TNKS2: variants seen among roughly 807,000 people sequenced by gnomAD.
TNKS2 encodes the protein poly [ADP-ribose] polymerase tankyrase-2.
In TNKS2, 72 loss-of-function variants were observed where a neutral mutation model predicts 137.6. The ratio of observed to expected loss-of-function variants is 0.52; its 90% CI spans 0.43 to 0.64. The LOEUF (loss-of-function observed/expected upper bound fraction) is 0.64, where lower values mean the gene tolerates loss of function less well. TNKS2 is among the 30% of genes least tolerant of loss of function. TNKS2 has a pLI of 0.00. For synonymous variants in TNKS2, 516 were observed against 512.1 expected, an observed-to-expected ratio of 1.01 and a Z score of -0.10; for missense variants, 1,049 against 1,410.2, an observed-to-expected ratio of 0.74 and a Z score of 4.10.
intron 6 of TNKS2, 148 bp from the exon 7 acceptor site, chr10:91,822,148 G>A (rs1844910223): frequency 3.4e-6 from 2 of 585,416 alleles, no homozygotes; most frequent in Non-Finnish European, 5.7e-6. Flanking sequence ...TCAAATGGAT[G>A]TTACTAAATT....
At chr10:91,860,055 A>G (rs926921163) in intron 25 of TNKS2, among the ~76,000 whole-genome samples, 1 of 152,194 alleles carries the variant, frequency 6.6e-6, no homozygotes, top group Non-Finnish European at 1.5e-5. Context: ...CCTCTCTTCC[A>G]CTGTGATACG....
intron 25 of TNKS2, among the ~76,000 whole-genome samples, 164 bp downstream of exon 25, chr10:91,859,812 T>G (rs1316295764): frequency 6.6e-6 from 1 of 152,232 alleles, no homozygotes; most frequent in Non-Finnish European, 1.5e-5. Flanking sequence ...TAATATTTAT[T>G]AAATGATCCG....
At chr10:91,809,091 A>G (rs1232617870) in intron 1 of TNKS2, among the ~76,000 whole-genome samples, 2 of 152,168 alleles carry the variant, frequency 1.3e-5, no homozygotes, top group African/African-American at 2.4e-5. Context: ...TATATAAAAT[A>G]CTGATAGGAG....
At chr10:91,833,772 A>T (rs1841897739) in intron 11 of TNKS2, 81 bp from the exon 12 acceptor site, 7 of 1,137,774 alleles carry the variant, frequency 6.2e-6, no homozygotes, top group Non-Finnish European at 8.2e-6. Context: ...ACTTAAAAGT[A>T]GTAAAAAGTG....
chr10:91,844,288 A>G (rs1469675436), intron 16 of TNKS2, among the ~76,000 whole-genome samples: 1 of 152,208 alleles, frequency 6.6e-6, no homozygotes, highest in South Asian at 2.1e-4. Flanking sequence ...ATTCTTCTTT[A>G]CTTGATCTTT....
intron 2 of TNKS2, among the ~76,000 whole-genome samples, chr10:91,816,599 C>CTGA (rs1844706940): frequency 6.6e-6 from 1 of 152,000 alleles, no homozygotes; most frequent in Non-Finnish European, 1.5e-5. Flanking sequence ...AAGATAATGA[C>CTGA]TGATGACCTT....
intron 18 of TNKS2, among the ~76,000 whole-genome samples, chr10:91,848,096 C>G (rs1045716515): frequency 6.6e-6 from 1 of 152,060 alleles, no homozygotes; most frequent in South Asian, 2.1e-4. Flanking sequence ...ATATTATACT[C>G]AAGCATTATA....
intron 13 of TNKS2, among the ~76,000 whole-genome samples, chr10:91,837,488 A>G (rs1735967156): frequency 6.6e-6 from 1 of 152,212 alleles, no homozygotes; most frequent in East Asian, 1.9e-4. Context: ...TTGCAACTTC[A>G]GGTCTTACCT....
At chr10:91,822,184 A>G (rs1405911358) in intron 6 of TNKS2, 112 bp from the exon 7 acceptor site, 10 of 812,068 alleles carry the variant, frequency 1.2e-5, no homozygotes, top group Middle Eastern at 2.7e-4. Flanking sequence ...AGAACATCAC[A>G]TAATCCATTT....
At chr10:91,861,343 T>C (rs1336501578) in intron 25 of TNKS2, among the ~76,000 whole-genome samples, 4 of 152,126 alleles carry the variant, frequency 2.6e-5, no homozygotes, top group Non-Finnish European at 2.9e-5. Context: ...TAAAATGAGA[T>C]TCAAGAAATT....
At chr10:91,843,403 A>T (rs746523594) in intron 16 of TNKS2, among the ~76,000 whole-genome samples, 6 of 152,184 alleles carry the variant, frequency 3.9e-5, no homozygotes, top group Non-Finnish European at 8.8e-5. Flanking sequence ...AAATTAGATT[A>T]GAGCCCACCC....
At chr10:91,852,215 G>A (rs759693751) in intron 21 of TNKS2, among the ~76,000 whole-genome samples, 44 of 151,182 alleles carry the variant, frequency 2.9e-4, no homozygotes, top group Non-Finnish European at 4.3e-4. Context: ...GCGACAGAGC[G>A]AGACTCCATC....
At chr10:91,809,379 C>T (rs1222660583) in intron 1 of TNKS2, among the ~76,000 whole-genome samples, 1 of 152,156 alleles carries the variant, frequency 6.6e-6, no homozygotes, top group African/African-American at 2.4e-5. Context: ...TAGCCCTTAT[C>T]ATCTGGGCTG....
chr10:91,853,944 T>A (rs1842630209), intron 21 of TNKS2, among the ~76,000 whole-genome samples: 1 of 152,092 alleles, frequency 6.6e-6, no homozygotes, highest in Admixed American at 6.6e-5. Context: ...AAGGAGAGAG[T>A]TGTGCTACAA....
At chr10:91,825,067 C>CGGTTTGGTTT (rs201968875) in intron 7 of TNKS2, among the ~76,000 whole-genome samples, 3 of 151,874 alleles carry the variant, frequency 2.0e-5, no homozygotes, top group Non-Finnish European at 2.9e-5. Flanking sequence ...TTTAGGCTCT[C>CGGTTTGGTTT]GGTTTGGTTT....
Position 91,849,567 on chromosome 10 carries a change from C to T in TNKS2, c.2667C>T (p.His889=), listed in dbSNP as rs1339421309. 7 of 1,611,458 alleles carry T rather than the reference C, an allele frequency of 4.3e-6. No individual in the cohort carries two copies. The highest frequency in any genetic ancestry group is 5.9e-6 in the Non-Finnish European group (7 of 1,178,952). Residue 889 remains histidine, a synonymous_variant, in exon 20 of 27, where the codon CAC becomes CAT. Coordinates refer to ENST00000371627, the MANE Select transcript of TNKS2 (RefSeq NM_025235.4). ...TQFVRNLGLE[H]LMDIFEREQI... is the part of the protein sequence containing the mutation. ...TCGTAAGGAATCTTGGACTTGAGCA[C>T]CTAATGGATATATTTGAGAGAGAAC...
At chr10:91,853,350 G>A (rs112335856) in intron 21 of TNKS2, among the ~76,000 whole-genome samples, 4 of 152,296 alleles carry the variant, frequency 2.6e-5, no homozygotes, top group African/African-American at 4.8e-5. Context: ...AAGAAGAAAC[G>A]TCATGAGACA....
At position 91,824,741 on chromosome 10, in the gene TNKS2, G is replaced by A. The variant is rs565506592; in HGVS notation, c.796-2276G>A. 5.9e-5 allele frequency among the ~76,000 whole-genome samples: 9 copies of A among 152,276 alleles called. No individual in the cohort carries two copies. The South Asian group carries it at 1.5e-3, about 25-fold the overall frequency. ...TAATATTCAAGTTGATAGAATCAAGGCTCAAAACCATCTCACCAGGCTCTA... is the reference window on the plus strand; with the variant it reads ...TAATATTCAAGTTGATAGAATCAAGACTCAAAACCATCTCACCAGGCTCTA... On this transcript the variant is annotated intron_variant, in intron 7 of 26. Transcript: ENST00000371627.
chr10:91,836,610 C>T, intron 12 of TNKS2: 1 of 983,718 alleles, frequency 1.0e-6, no homozygotes, highest in African/African-American at 1.7e-5. Flanking sequence ...TGCACCATTC[C>T]AATGGCTTGC....
Sources: allele counts gnomAD v4.1 joint callset (sites outside exome capture counted in the v4.1 genomes callset), GRCh38; gene constraint gnomAD v4.1.1; transcripts MANE v1.5; gene names NCBI Gene and HGNC (gene_info 2026-07-23, HGNC 2026-07-21).